The following SETD2 variants were observed in gnomAD, a reference collection of about 807,000 sequenced individuals.
SETD2 encodes the protein SET domain containing 2, histone lysine methyltransferase, also known as histone-lysine N-methyltransferase SETD2.
Under a neutral mutation model 242.1 loss-of-function variants are expected in SETD2, and 31 were observed. The ratio of observed to expected loss-of-function variants is 0.13; its 90% CI spans 0.10 to 0.17. SETD2 has a LOEUF of 0.17. Among genes scored for constraint, SETD2 ranks in the 10% least tolerant of loss-of-function variants. The pLI is 1.00. For synonymous variants in SETD2, 1,006 were observed against 1,066.5 expected, an observed-to-expected ratio of 0.94 and a Z score of 1.11; for missense variants, 2,481 against 3,046.3, an observed-to-expected ratio of 0.81 and a Z score of 4.37.
chr3:47,047,320 A>C (rs1337698323), intron 15 of SETD2, among the ~76,000 whole-genome samples: 1 of 152,332 alleles, frequency 6.6e-6, no homozygotes, highest in African/African-American at 2.4e-5. Context: ...ATAAGAAATA[A>C]GTACTATGCT....
chr3:47,130,982 TAAAAA>T (rs1559756533), intron 1 of SETD2, among the ~76,000 whole-genome samples: 1 of 151,826 alleles, frequency 6.6e-6, no homozygotes, highest in East Asian at 1.9e-4. Context: ...TGACATGACT[TAAAAA>T]AAACCAACCA....
chr3:47,084,090 G>T lies in SETD2; in HGVS notation c.5690C>A (p.Thr1897Asn). 6.2e-7 allele frequency: 1 copy of T among 1,614,052 alleles called. No individual in the cohort carries two copies. The stretch of plus-strand genomic sequence containing the variant: ...GCCATCCTTGCCTTCTAGCTCACTG[G>T]TTGCATCAGAGATTGCACTGTCCAT... Reference protein sequence around the residue: ...NSMDSAISDATSELEGKDGKE... With the variant: ...NSMDSAISDANSELEGKDGKE... Residue 1897 changes from threonine (T) to asparagine (N), a missense_variant, in exon 12 of 21, where the codon ACC becomes AAC. Transcript: ENST00000409792.
chr3:47,122,722 G>A lies in SETD2; in HGVS notation c.1914C>T (p.Ser638=), dbSNP rs1371836213. 26 of 1,610,608 alleles carry A rather than the reference G, an allele frequency of 1.6e-5. No individual in the cohort carries two copies. Among genetic ancestry groups the A allele is most frequent in the Middle Eastern group, 1.6e-4 (1 of 6,066 alleles). ...CATGGCTATCATGTGTTATAAATTC[G>A]GACTTAAAAATAGGCAATTCATCTA... is the stretch of plus-strand genomic sequence containing the variant. The part of the protein sequence containing the change: ...KKLDELPIFK[S]EFITHDSHDS... The change falls in exon 3 of 21, where the codon TCC becomes TCT. Residue 638 remains serine, a synonymous_variant. Transcript: ENST00000409792.
Position 47,122,602 on chromosome 3 carries a change from C to T in SETD2, c.2034G>A (p.Gly678=), listed in dbSNP as rs2106682628. The T allele has an allele frequency of 1.2e-6, 2 of 1,614,004 alleles. No individual in the cohort carries two copies. Among genetic ancestry groups the T allele is most frequent in the African/African-American group, 1.3e-5 (1 of 75,038 alleles). The change falls in exon 3 of 21, where the codon GGG becomes GGA. Residue 678 remains glycine (G), a synonymous_variant. Transcript: ENST00000409792. The stretch of plus-strand genomic sequence containing the variant: ...AAAATGTTGCCAAATCAGATTCTGC[C>T]CCAGGAGATCCATTTATATTTAATT... ...PIELNINGSP[G]AESDLATFCT...
chr3:47,124,369 G>C lies in SETD2; in HGVS notation c.267C>G (p.Leu89=). The C allele has an allele frequency of 6.4e-7, 1 of 1,551,880 alleles. No individual in the cohort carries two copies. The highest frequency in any genetic ancestry group is 1.2e-5 in the South Asian group (1 of 84,066). The stretch of plus-strand genomic sequence containing the variant: ...TTTGCTTTTCATTGCCAAGTGCAGT[G>C]AGAAACCTATTCTGCAAAGTTTTCT... The part of the protein sequence containing the change: ...LTKKTLQNRF[L]TALGNEKQSD... Residue 89 remains leucine, a synonymous_variant, in exon 3 of 21, where the codon CTC becomes CTG. Transcript: ENST00000409792.
At chr3:47,023,975 G>C (rs949936784) in intron 18 of SETD2, among the ~76,000 whole-genome samples, 1 of 152,086 alleles carries the variant, frequency 6.6e-6, no homozygotes, top group Non-Finnish European at 1.5e-5. Context: ...GATCCTTTAG[G>C]CTTCATGAAT....
intron 11 of SETD2, among the ~76,000 whole-genome samples, chr3:47,085,195 TCAG>T (rs2041500833): frequency 6.6e-6 from 1 of 152,200 alleles, no homozygotes; most frequent in Admixed American, 6.5e-5. Context: ...ATAAGACTGA[TCAG>T]CAAGAATCAC....
chr3:47,057,304 C>A lies in SETD2; in HGVS notation c.6480G>T (p.Pro2160=). ...GTGGGTAACCAGCAAAGGGATGATG[C>A]GGGGCATTATAACCAAGAGAGTCAT... ...LPYDSLGYNA[P]HHPFAGYPPG... is the part of the protein sequence containing the mutation. The change falls in exon 15 of 21, where the codon CCG becomes CCT. Residue 2160 remains proline (P), a synonymous_variant. Coordinates refer to ENST00000409792, the MANE Select transcript of SETD2 (RefSeq NM_014159.7). 1.9e-6 allele frequency: 3 copies of A among 1,614,148 alleles called. No homozygotes were observed. The highest frequency in any genetic ancestry group is 2.5e-6 in the Non-Finnish European group (3 of 1,180,022).
At position 47,095,294 on chromosome 3, in the gene SETD2, C is replaced by T. The variant is rs539266739; in HGVS notation, c.5142+2661G>A. ...GAGATTACAGGTACCCGCCACCACG[C>T]CCAGCAAATTTTTGTATTTTTAGTA... On this transcript the variant is annotated intron_variant, in intron 9 of 20. Transcript: ENST00000409792. 2.0e-5 allele frequency among the ~76,000 whole-genome samples: 3 copies of T among 152,182 alleles called. 1 individual carries two copies. The South Asian group carries it at 6.2e-4, about 32-fold the overall frequency.
intron 1 of SETD2, among the ~76,000 whole-genome samples, chr3:47,153,057 C>T (rs1035990083): frequency 2.6e-5 from 4 of 151,966 alleles, no homozygotes; most frequent in Non-Finnish European, 5.9e-5. Flanking sequence ...TGGTGGCTCA[C>T]GCCTGTAATC....
chr3:47,074,753 A>G (rs2040976939), intron 12 of SETD2, among the ~76,000 whole-genome samples: 2 of 152,166 alleles, frequency 1.3e-5, no homozygotes, highest in African/African-American at 4.8e-5. Flanking sequence ...ATATTTATGG[A>G]CCCTCACCCC....
chr3:47,056,707 G>A (rs2040096508), intron 15 of SETD2, 114 bp downstream of exon 15: 2 of 781,562 alleles, frequency 2.6e-6, no homozygotes, highest in Non-Finnish European at 4.1e-6. Context: ...TACATATAAA[G>A]TTGATCAATA....
In SETD2 at chr3:47,017,061, T is replaced by C. The variant is rs756760003; in HGVS notation, c.*32A>G. On this transcript the variant is annotated 3_prime_UTR_variant, in exon 21 of 21. Transcript: ENST00000409792. The surrounding 1 kb of genome is among the most constrained non-coding windows in gnomAD (Gnocchi z 4.8). ...TCCTCTCCCTAGAGTCTGTCTTACCTGACCACCCATCCTCCCACCCTGGCC... is the reference window on the plus strand; with the variant it reads ...TCCTCTCCCTAGAGTCTGTCTTACCCGACCACCCATCCTCCCACCCTGGCC... 2.5e-6 allele frequency: 4 copies of C among 1,610,116 alleles called. No individual in the cohort carries two copies. In the East Asian group the frequency reaches 8.9e-5, roughly 36 times the overall value.
rs780684040 is a variant in SETD2 at position 47,113,911 on chromosome 3, T to C, written c.4680A>G (p.Lys1560=). 22 of 1,613,364 alleles carry C rather than the reference T, an allele frequency of 1.4e-5. No individual in the cohort carries two copies. The Middle Eastern group carries it at 1.6e-3, about 121-fold the overall frequency. The change falls in exon 5 of 21, where the codon AAA becomes AAG. Residue 1560 remains lysine (K), a synonymous_variant. Transcript: ENST00000409792. Reference sequence around the variant, plus strand: ...CTTTGGCAGCTCTCAAGCCCCAGCCTTTCTTTTCTGTGAGTATGACTTCCA... The same window carrying C: ...CTTTGGCAGCTCTCAAGCCCCAGCCCTTCTTTTCTGTGAGTATGACTTCCA... ...ADVEVILTEK[K]GWGLRAAKDL...
chr3:47,043,224 T>C (rs2107541556), intron 16 of SETD2, among the ~76,000 whole-genome samples: 1 of 152,282 alleles, frequency 6.6e-6, no homozygotes, highest in Admixed American at 6.5e-5. Context: ...AACATGTATG[T>C]TGAAGCTCTA....
At chr3:47,128,006 C>T (rs2106748104) in intron 1 of SETD2, among the ~76,000 whole-genome samples, 1 of 152,254 alleles carries the variant, frequency 6.6e-6, no homozygotes, top group South Asian at 2.1e-4. Context: ...CACACACACA[C>T]ACACACACAA....
rs1417949442 is a variant in SETD2, at chr3:47,056,126, ATTTAT to A, written c.6963+690_6963+694del. Reference sequence around the variant, plus strand: ...TATTTATTTATTTATTTATTTATTTATTTATTTATTTATTTTGAGATGGCATCTTG... The same window carrying A: ...TATTTATTTATTTATTTATTTATTTATTATTTATTTTGAGATGGCATCTTG... On this transcript the variant is annotated intron_variant, in intron 15 of 20. Transcript: ENST00000409792. Among the ~76,000 whole-genome samples the A allele has an allele frequency of 1.4e-4, 14 of 102,060 alleles. No homozygotes were observed. In the South Asian group the frequency reaches 3.8e-3, roughly 28 times the overall value. 67.0% of individuals were successfully genotyped at this position (102,060 alleles called of 152,430 possible). A position where few individuals can be genotyped will look rare whatever the true frequency, so the allele number is the denominator to read the frequency against.
chr3:47,027,151 C>T (rs1387769265), intron 18 of SETD2, among the ~76,000 whole-genome samples: 3 of 151,788 alleles, frequency 2.0e-5, no homozygotes, highest in East Asian at 1.9e-4. Flanking sequence ...CTGGCTAACA[C>T]GGTGAAACCC....
In SETD2 at chr3:47,106,526, A is replaced by C. The variant is rs1023497402; in HGVS notation, c.4716-406T>G. Among the ~76,000 whole-genome samples, 390 of 133,328 alleles carry C rather than the reference A, an allele frequency of 2.9e-3. 5 individuals carry two copies. Among genetic ancestry groups the C allele is most frequent in the African/African-American group, 0.01 (371 of 36,978 alleles). 87.5% of individuals were successfully genotyped at this position (133,328 alleles called of 152,430 possible). The stretch of plus-strand genomic sequence containing the variant: ...AAAAAAAAAAAAAAAAAAAAAAAAA[A>C]GGCAGCCGGGCGCAGAGGCTCATGC... On this transcript the variant is annotated intron_variant, in intron 5 of 20. Coordinates refer to ENST00000409792, the MANE Select transcript of SETD2 (RefSeq NM_014159.7).
Sources: allele counts gnomAD v4.1 joint callset (sites outside exome capture counted in the v4.1 genomes callset), GRCh38; gene constraint gnomAD v4.1.1; non-coding constraint Gnocchi (gnomAD v3.1); transcripts MANE v1.5; gene names NCBI Gene and HGNC (gene_info 2026-07-23, HGNC 2026-07-21).